Variants in PCDH9 observed in about 807,000 individuals in gnomAD.
PCDH9 encodes protocadherin-9.
Under a neutral mutation model 70.6 loss-of-function variants are expected in PCDH9, and 24 were observed. That is an observed-to-expected ratio of 0.34 (90% CI 0.25 to 0.48). The LOEUF is 0.48. Ranked by LOEUF, PCDH9 falls within the 20% of genes least tolerant of loss-of-function variation. The probability of loss-of-function intolerance (pLI) is 0.99; values close to 1 mark genes in which losing one functional copy is unlikely to be tolerated. For synonymous variants in PCDH9, 562 were observed against 558.5 expected (o/e 1.01, Z -0.09); for missense variants, 1,281 against 1,503.6 (o/e 0.85, Z 2.45).
intron 2 of PCDH9, among the ~76,000 whole-genome samples, chr13:67,130,072 G>A (rs1303766857): frequency 1.3e-5 from 2 of 151,986 alleles, no homozygotes; most frequent in South Asian, 4.1e-4. Flanking sequence ...TGCATTTATG[G>A]GAAGGCAGAG....
intron 2 of PCDH9, among the ~76,000 whole-genome samples, chr13:67,147,093 C>G (rs555224852): frequency 1.3e-5 from 2 of 152,116 alleles, no homozygotes; most frequent in African/African-American, 4.8e-5. Flanking sequence ...TCTCTGCTCC[C>G]CTCATGTAGC....
chr13:67,187,976 C>T (rs371111783), intron 2 of PCDH9, among the ~76,000 whole-genome samples: 1 of 151,950 alleles, frequency 6.6e-6, no homozygotes, highest in African/African-American at 2.4e-5. Context: ...TATAGTCACC[C>T]TGTACTGTAA....
At chr13:66,529,192 A>G (rs192866365) in intron 4 of PCDH9, among the ~76,000 whole-genome samples, 1 of 152,242 alleles carries the variant, frequency 6.6e-6, no homozygotes, top group East Asian at 1.9e-4. Flanking sequence ...AGGACAAATC[A>G]GTGTCAGATT....
At chr13:66,358,779 G>A (rs1297564037) in intron 4 of PCDH9, among the ~76,000 whole-genome samples, 1 of 151,888 alleles carries the variant, frequency 6.6e-6, no homozygotes, top group Non-Finnish European at 1.5e-5. Flanking sequence ...TGCCTGTGCT[G>A]TTTTTCATAT....
chr13:66,773,547 G>A (rs576977635), intron 3 of PCDH9, among the ~76,000 whole-genome samples: 1 of 151,560 alleles, frequency 6.6e-6, no homozygotes, highest in South Asian at 2.1e-4. Flanking sequence ...GGAGAATGGC[G>A]TGAACCCGGG....
chr13:66,418,838 G>A (rs1321295815), intron 4 of PCDH9, among the ~76,000 whole-genome samples: 1 of 151,820 alleles, frequency 6.6e-6, no homozygotes, highest in Non-Finnish European at 1.5e-5. Flanking sequence ...TAGATAGACC[G>A]CTAGCCAGAC....
intron 3 of PCDH9, among the ~76,000 whole-genome samples, chr13:66,823,635 T>C (rs1165728684): frequency 1.3e-5 from 2 of 152,086 alleles, no homozygotes; most frequent in Admixed American, 1.3e-4. Flanking sequence ...TGATAATGTA[T>C]GGGTTTTTCA....
intron 4 of PCDH9, among the ~76,000 whole-genome samples, chr13:66,575,567 A>C (rs1488917045): frequency 1.3e-5 from 2 of 152,172 alleles, no homozygotes; most frequent in African/African-American, 4.8e-5. Flanking sequence ...CTCCAAACAC[A>C]TTGCATTCAT....
At chr13:66,850,057 C>CAAAATTATTGTTATAATAAT (rs1254762381) in intron 3 of PCDH9, among the ~76,000 whole-genome samples, 24 of 151,726 alleles carry the variant, frequency 1.6e-4, no homozygotes, top group African/African-American at 5.3e-4. Flanking sequence ...TTTAGTGGCA[C>CAAAATTATTGTTATAATAAT]AAAATTATTG....
At chr13:66,541,530 C>T (rs1031855636) in intron 4 of PCDH9, among the ~76,000 whole-genome samples, 2 of 152,076 alleles carry the variant, frequency 1.3e-5, no homozygotes, top group Non-Finnish European at 2.9e-5. Flanking sequence ...GATGTTGCTT[C>T]GCTTCTGACA....
chr13:66,354,579 C>T (rs1326474829), intron 4 of PCDH9, among the ~76,000 whole-genome samples: 2 of 151,950 alleles, frequency 1.3e-5, no homozygotes, highest in African/African-American at 4.8e-5. Context: ...GAAAGCGGCA[C>T]TTTCTAATAG....
intron 2 of PCDH9, among the ~76,000 whole-genome samples, chr13:67,065,614 G>C (rs542068622): frequency 1.3e-5 from 2 of 152,040 alleles, no homozygotes; most frequent in African/African-American, 4.8e-5. Flanking sequence ...TTTTAATTTT[G>C]AGCTTCAAAA....
chr13:66,805,824 C>G (rs1048860287), intron 3 of PCDH9, among the ~76,000 whole-genome samples: 4 of 152,122 alleles, frequency 2.6e-5, no homozygotes, highest in Admixed American at 2.0e-4. Flanking sequence ...GCAGACTGCC[C>G]TTTTGGCTTA....
rs368960665 is a variant in PCDH9 at position 66,363,268 on chromosome 13, C to A, written c.3341-58240G>T. On this transcript the variant is annotated intron_variant, in intron 4 of 4. Coordinates refer to ENST00000377865, the MANE Select transcript of PCDH9 (RefSeq NM_203487.3). Reference sequence around the variant, plus strand: ...GACTAAACAAACTTCTTTCAGATTTCTTTATCATCATTTTAACAGATCTTT... The same window carrying A: ...GACTAAACAAACTTCTTTCAGATTTATTTATCATCATTTTAACAGATCTTT... Among the ~76,000 whole-genome samples, 17 of 152,220 alleles carry A rather than the reference C, an allele frequency of 1.1e-4. 1 individual carries two copies. Among genetic ancestry groups the A allele is most frequent in the African/African-American group, 4.1e-4 (17 of 41,544 alleles).
chr13:66,706,938 G>A (rs958303622), intron 3 of PCDH9, among the ~76,000 whole-genome samples: 3 of 152,208 alleles, frequency 2.0e-5, no homozygotes, highest in Non-Finnish European at 4.4e-5. Flanking sequence ...GGATGTTGGG[G>A]TGCTAGGCCT....
chr13:67,125,473 C>A (rs1236687066), intron 2 of PCDH9, among the ~76,000 whole-genome samples: 1 of 152,152 alleles, frequency 6.6e-6, no homozygotes, highest in East Asian at 1.9e-4. Flanking sequence ...AGAATCTCTT[C>A]TCTTCCCTTT....
At chr13:66,904,925 G>C (rs1002672197) in intron 2 of PCDH9, among the ~76,000 whole-genome samples, 1 of 151,800 alleles carries the variant, frequency 6.6e-6, no homozygotes, top group African/African-American at 2.4e-5. Flanking sequence ...AAGCCTTTTA[G>C]CATGAAAAAA....
At chr13:66,346,106 C>A (rs551559500) in intron 4 of PCDH9, among the ~76,000 whole-genome samples, 1 of 152,124 alleles carries the variant, frequency 6.6e-6, no homozygotes, top group Non-Finnish European at 1.5e-5. Context: ...GATTTGCTCA[C>A]GACCCAAATT....
intron 4 of PCDH9, among the ~76,000 whole-genome samples, chr13:66,513,518 AT>A (rs1959590162): frequency 6.6e-6 from 1 of 152,082 alleles, no homozygotes; most frequent in Non-Finnish European, 1.5e-5. Flanking sequence ...CTACAGGCCC[AT>A]CAATCAAAAA....
Sources: gnomAD v4.1 joint callset for allele counts (sites outside exome capture counted in the v4.1 genomes callset) on GRCh38, gnomAD v4.1.1 for gene constraint, MANE v1.5 for transcripts, NCBI Gene and HGNC (gene_info 2026-07-23, HGNC 2026-07-21) for gene names.